SNTG2: variants seen among roughly 807,000 people sequenced by gnomAD.
SNTG2 encodes syntrophin gamma 2, also known as gamma-2-syntrophin.
A neutral mutation model predicts 70.9 loss-of-function variants in SNTG2; 74 were observed. That is an observed-to-expected ratio of 1.04 (90% confidence interval 0.86 to 1.27). SNTG2 has a LOEUF of 1.27. Among genes scored for constraint, SNTG2 ranks in the 50% most tolerant of loss-of-function variants. SNTG2 has a pLI of 0.00. For synonymous variants in SNTG2, 278 were observed against 273.8 expected (o/e 1.02, Z -0.15); for missense variants, 717 against 690.7 (o/e 1.04, Z -0.43).
intron 5 of SNTG2, 21 bp from the exon 6 acceptor site, chr2:1,137,747 C>G: frequency 6.2e-7 from 1 of 1,613,760 alleles, no homozygotes; most frequent in Non-Finnish European, 8.5e-7. Flanking sequence ...TCTCAACATT[C>G]TTACTTTGTC....
intron 14 of SNTG2, among the ~76,000 whole-genome samples, chr2:1,291,968 A>G (rs1019875070): frequency 6.6e-6 from 1 of 152,160 alleles, no homozygotes. Flanking sequence ...ATCCATGAGC[A>G]CAAGATGTCT....
intron 1 of SNTG2, among the ~76,000 whole-genome samples, chr2:1,012,130 C>G (rs1659745154): frequency 6.6e-6 from 1 of 152,202 alleles, no homozygotes; most frequent in Non-Finnish European, 1.5e-5. Flanking sequence ...CTCCTCTTCT[C>G]CCTGACAATC....
In SNTG2 at chr2:1,244,695, C is replaced by CAAA. The variant is rs558051455; in HGVS notation, c.889-2613_889-2611dup. Among the ~76,000 whole-genome samples, 154 of 88,556 alleles carry CAAA rather than the reference C, an allele frequency of 1.7e-3. 1 individual carries two copies. Among genetic ancestry groups the CAAA allele is most frequent in the South Asian group, 6.2e-3 (15 of 2,432 alleles). 58.1% of individuals were successfully genotyped at this position (88,556 alleles called of 152,430 possible). A position where few individuals can be genotyped will look rare whatever the true frequency, so the allele number is the denominator to read the frequency against. On this transcript the variant is annotated intron_variant, in intron 11 of 16. Transcript: ENST00000308624. ...TGGGTGACAGAGCGAGACTCCATCT[C>CAAA]AAAAAAAAAAAAAAAAAAAAACAGT...
chr2:1,240,476 G>T (rs1196065392), intron 11 of SNTG2, among the ~76,000 whole-genome samples: 2 of 152,128 alleles, frequency 1.3e-5, no homozygotes, highest in Non-Finnish European at 2.9e-5. Flanking sequence ...GATTTAACTT[G>T]TAATGTAAGG....
intron 4 of SNTG2, among the ~76,000 whole-genome samples, chr2:1,117,166 G>A (rs74647633): frequency 2.0e-5 from 3 of 152,056 alleles, no homozygotes; most frequent in African/African-American, 7.3e-5. Flanking sequence ...TATGGATGCT[G>A]TGATGTGCAG....
At position 1,233,589 on chromosome 2, in the gene SNTG2, C is replaced by T. The variant is rs1294100083; in HGVS notation, c.720-4299C>T. 2.0e-5 allele frequency among the ~76,000 whole-genome samples: 3 copies of T among 152,286 alleles called. No individual in the cohort carries two copies. In the East Asian group the frequency reaches 5.8e-4, roughly 29 times the overall value. ...ACAGTCAAGAGCGCAGGAAGAACGG[C>T]TTAAACAGACTGGCTGTCCTCCACA... On this transcript the variant is annotated intron_variant, in intron 9 of 16. Transcript: ENST00000308624.
intron 4 of SNTG2, among the ~76,000 whole-genome samples, chr2:1,131,398 T>C (rs780891977): frequency 3.9e-5 from 6 of 152,294 alleles, no homozygotes; most frequent in Admixed American, 3.3e-4. Context: ...TGGCCTGCGG[T>C]GTGCAAGCTT....
At position 1,157,200 on chromosome 2, in the gene SNTG2, G is replaced by A. The variant is rs184180062; in HGVS notation, c.412-8348G>A. ...CCCATCACTGCCAGCACCCTGCAGA[G>A]TGGCCACCAGTGCTGATCCACTGGA... is the stretch of plus-strand genomic sequence containing the variant. On this transcript the variant is annotated intron_variant, in intron 6 of 16. Transcript: ENST00000308624. Among the ~76,000 whole-genome samples, 37 of 152,298 alleles carry A rather than the reference G, an allele frequency of 2.4e-4. 1 individual carries two copies. The highest frequency in any genetic ancestry group is 1.2e-3 in the Admixed American group (18 of 15,302).
At chr2:1,320,534 C>CAAAAAAAAAAAA (rs35391780) in intron 16 of SNTG2, among the ~76,000 whole-genome samples, 8 of 89,426 alleles carry the variant, frequency 8.9e-5, no homozygotes, top group Non-Finnish European at 1.4e-4. Context: ...GACTCCTTCT[C>CAAAAAAAAAAAA]AAAAAAAAAA....
intron 1 of SNTG2, among the ~76,000 whole-genome samples, chr2:1,057,012 G>A (rs147346811): frequency 1.1e-3 from 173 of 151,498 alleles, no homozygotes; most frequent in Middle Eastern, 3.4e-3. Flanking sequence ...AGAGGGCGGC[G>A]CAGCGCTGTG....
chr2:992,048 G>A (rs981212444), intron 1 of SNTG2, among the ~76,000 whole-genome samples: 14 of 151,874 alleles, frequency 9.2e-5, no homozygotes, highest in East Asian at 1.9e-4. Context: ...ATAACACACC[G>A]TGACCCAGCA....
At chr2:1,230,003 G>C (rs1026915399) in intron 9 of SNTG2, among the ~76,000 whole-genome samples, 8 of 152,190 alleles carry the variant, frequency 5.3e-5, no homozygotes, top group African/African-American at 1.9e-4. Flanking sequence ...CAAGCTGAGG[G>C]AGTGGACTCC....
chr2:1,176,729 A>C (rs1455174741), intron 8 of SNTG2, among the ~76,000 whole-genome samples: 1 of 152,146 alleles, frequency 6.6e-6, no homozygotes, highest in Non-Finnish European at 1.5e-5. Flanking sequence ...GCCAACAAGC[A>C]GATGAAGAAA....
At chr2:1,078,479 G>A (rs1296652495) in intron 1 of SNTG2, among the ~76,000 whole-genome samples, 1 of 152,004 alleles carries the variant, frequency 6.6e-6, no homozygotes, top group Admixed American at 6.6e-5. Flanking sequence ...AGGTATGGCA[G>A]GATTGCAGGA....
intron 2 of SNTG2, among the ~76,000 whole-genome samples, chr2:1,094,037 CA>C (rs1665212221): frequency 1.6e-4 from 13 of 80,674 alleles, no homozygotes; most frequent in African/African-American, 6.4e-4. Context: ...TGGCAAGGGC[CA>C]GCTTCCTGGC....
chr2:1,198,600 G>A (rs1036949338), intron 8 of SNTG2, among the ~76,000 whole-genome samples: 2 of 151,846 alleles, frequency 1.3e-5, no homozygotes, highest in Non-Finnish European at 1.5e-5. Flanking sequence ...GACTAAAAAA[G>A]CACAAAGATT....
At chr2:1,328,255 C>A (rs1572988567) in intron 16 of SNTG2, among the ~76,000 whole-genome samples, 1 of 152,116 alleles carries the variant, frequency 6.6e-6, no homozygotes, top group Admixed American at 6.5e-5. Context: ...AGATCCAAAC[C>A]ATGTCAGGTA....
intron 1 of SNTG2, among the ~76,000 whole-genome samples, chr2:997,917 C>T (rs1227637469): frequency 6.6e-6 from 1 of 152,194 alleles, no homozygotes; most frequent in Non-Finnish European, 1.5e-5. Flanking sequence ...CACAAGCGAA[C>T]AGCACAAAGA....
At chr2:1,147,181 A>C (rs1669156708) in intron 6 of SNTG2, among the ~76,000 whole-genome samples, 1 of 152,188 alleles carries the variant, frequency 6.6e-6, no homozygotes, top group Admixed American at 6.5e-5. Context: ...TTTTGATCTC[A>C]GGAGATGTAT....
Sources: allele counts gnomAD v4.1 joint callset (sites outside exome capture counted in the v4.1 genomes callset), GRCh38; gene constraint gnomAD v4.1.1; transcripts MANE v1.5; gene names NCBI Gene and HGNC (gene_info 2026-07-23, HGNC 2026-07-21).